The following KIAA1217 variants were observed in gnomAD, a reference collection of about 807,000 sequenced individuals.
KIAA1217 encodes sickle tail protein homolog.
KIAA1217 carries 88 observed loss-of-function variants against 163.9 expected under a neutral mutation model. That is an observed-to-expected ratio of 0.54 (90% confidence interval 0.45 to 0.64). The LOEUF (loss-of-function observed/expected upper bound fraction) is 0.64, where lower values mean the gene tolerates loss of function less well. KIAA1217 is among the 30% of genes least tolerant of loss of function. The pLI is 0.00. For synonymous variants in KIAA1217, 903 were observed against 923.1 expected, an observed-to-expected ratio of 0.98 and a Z score of 0.39; for missense variants, 2,372 against 2,475.0, an observed-to-expected ratio of 0.96 and a Z score of 0.88.
At chr10:23,972,007 C>A (rs1845335257) in intron 1 of KIAA1217, among the ~76,000 whole-genome samples, 1 of 152,204 alleles carries the variant, frequency 6.6e-6, no homozygotes, top group Non-Finnish European at 1.5e-5. Flanking sequence ...TCCCACATTT[C>A]TGAACTGAAC....
chr10:23,997,660 A>G (rs1186924790), intron 1 of KIAA1217, among the ~76,000 whole-genome samples: 1 of 152,198 alleles, frequency 6.6e-6, no homozygotes, highest in Non-Finnish European at 1.5e-5. Context: ...TTTACATCTA[A>G]TTCTAGATAG....
intron 3 of KIAA1217, 94 bp from the exon 4 acceptor site, chr10:24,432,901 G>C: frequency 1.1e-6 from 1 of 923,664 alleles, no homozygotes; most frequent in Non-Finnish European, 1.7e-6. Flanking sequence ...TGTCCTGAAC[G>C]TTCCTAAGTG....
intron 1 of KIAA1217, among the ~76,000 whole-genome samples, chr10:23,750,291 C>T (rs916470835): frequency 7.2e-5 from 11 of 152,192 alleles, no homozygotes; most frequent in African/African-American, 2.7e-4. Flanking sequence ...ATGGAATATG[C>T]AACCCTTCAA....
rs775994345 is a variant in KIAA1217, at chr10:24,438,404, A to G, written c.771A>G (p.Ser257=). 6 of 1,612,786 alleles carry G rather than the reference A, an allele frequency of 3.7e-6. No homozygotes were observed. The South Asian group carries it at 6.6e-5, about 18-fold the overall frequency. ...LNDVRNIQDR[S]LLKVYNKDPA... Reference sequence around the variant, plus strand: ...ATTCCAGGAACATTCAAGACAGATCACTCCTCAAAGTGTACAACAAGGATC... The same window carrying G: ...ATTCCAGGAACATTCAAGACAGATCGCTCCTCAAAGTGTACAACAAGGATC... The change falls in exon 5 of 21, where the codon TCA becomes TCG. Residue 257 remains serine, a synonymous_variant. Transcript: ENST00000376454.
rs768169304 is a variant in KIAA1217 at position 24,502,297 on chromosome 10, C to T, written c.2001+752C>T. Among the ~76,000 whole-genome samples, 81 of 122,452 alleles carry T rather than the reference C, an allele frequency of 6.6e-4. 1 individual carries two copies. Among genetic ancestry groups the T allele is most frequent in the Non-Finnish European group, 1.0e-3 (62 of 62,166 alleles). The allele number at this position is 122,452 out of a possible 152,430, so 80.3% of individuals were successfully genotyped here. ...GCAAGGATCTGTGATGTATTTAGAA[C>T]TATGAGTTTAGAATAGAAGATGAAT... On this transcript the variant is annotated intron_variant, in intron 9 of 20. Transcript: ENST00000376454.
At chr10:23,723,994 T>C (rs1838002171) in intron 1 of KIAA1217, among the ~76,000 whole-genome samples, 1 of 152,138 alleles carries the variant, frequency 6.6e-6, no homozygotes, top group African/African-American at 2.4e-5. Flanking sequence ...GGAGCAGGCA[T>C]CTTACATGAC....
At chr10:23,897,362 T>G (rs563639928) in intron 1 of KIAA1217, among the ~76,000 whole-genome samples, 1 of 152,230 alleles carries the variant, frequency 6.6e-6, no homozygotes, top group South Asian at 2.1e-4. Flanking sequence ...CAATGCCACC[T>G]CTTGGTTTGA....
chr10:23,818,895 C>T (rs960991536), intron 1 of KIAA1217, among the ~76,000 whole-genome samples: 1 of 152,132 alleles, frequency 6.6e-6, no homozygotes, highest in African/African-American at 2.4e-5. Context: ...TTTTGCAGCT[C>T]TTAGTCTCAA....
intron 1 of KIAA1217, among the ~76,000 whole-genome samples, chr10:23,716,011 A>C (rs1362033013): frequency 6.6e-6 from 1 of 152,200 alleles, no homozygotes; most frequent in Admixed American, 6.6e-5. Flanking sequence ...GGCACAAATG[A>C]TACAAATAGC....
At chr10:24,264,651 C>T (rs777624039) in intron 2 of KIAA1217, among the ~76,000 whole-genome samples, 3 of 151,994 alleles carry the variant, frequency 2.0e-5, no homozygotes, top group Non-Finnish European at 4.4e-5. Flanking sequence ...AAAAACAATG[C>T]AAGGGATTTG....
At chr10:23,780,054 C>T (rs1835186425) in intron 1 of KIAA1217, among the ~76,000 whole-genome samples, 1 of 152,140 alleles carries the variant, frequency 6.6e-6, no homozygotes, top group Non-Finnish European at 1.5e-5. Flanking sequence ...CTTAATGATG[C>T]ATTTCTCACA....
intron 1 of KIAA1217, among the ~76,000 whole-genome samples, chr10:23,923,752 T>G (rs980611220): frequency 6.6e-6 from 1 of 152,230 alleles, no homozygotes; most frequent in Non-Finnish European, 1.5e-5. Flanking sequence ...GAAACTGACT[T>G]CAGACGTCTG....
chr10:24,369,578 C>T (rs2051284159), intron 2 of KIAA1217, among the ~76,000 whole-genome samples: 1 of 152,114 alleles, frequency 6.6e-6, no homozygotes, highest in South Asian at 2.1e-4. Context: ...CCCACATCCT[C>T]TCCATAAAGC....
chr10:24,361,633 G>C (rs920683957), intron 2 of KIAA1217, among the ~76,000 whole-genome samples: 3 of 152,124 alleles, frequency 2.0e-5, no homozygotes, highest in Non-Finnish European at 2.9e-5. Context: ...ATCATGCAGG[G>C]CCTCCTTGTA....
intron 1 of KIAA1217, among the ~76,000 whole-genome samples, chr10:23,818,070 TACACAC>T (rs376425958): frequency 8.0e-6 from 1 of 124,244 alleles, no homozygotes; most frequent in Non-Finnish European, 1.6e-5. Context: ...CATATATATA[TACACAC>T]ACACATATAG....
chr10:24,113,288 C>G (rs1343909791), intron 2 of KIAA1217, among the ~76,000 whole-genome samples: 2 of 152,096 alleles, frequency 1.3e-5, no homozygotes, highest in African/African-American at 4.8e-5. Context: ...AGCATCTTCA[C>G]AATTTAAGGT....
At chr10:23,927,996 C>A (rs1039426501) in intron 1 of KIAA1217, among the ~76,000 whole-genome samples, 2 of 152,320 alleles carry the variant, frequency 1.3e-5, no homozygotes, top group Admixed American at 1.3e-4. Flanking sequence ...GTAACTCGTC[C>A]ACCCAGCAGA....
chr10:24,278,620 T>C (rs1304469228), intron 2 of KIAA1217, among the ~76,000 whole-genome samples: 1 of 152,188 alleles, frequency 6.6e-6, no homozygotes, highest in East Asian at 1.9e-4. Context: ...CTGGGCATGA[T>C]GTTAGCCACT....
chr10:24,300,304 A>G (rs746377458), intron 2 of KIAA1217, among the ~76,000 whole-genome samples: 1 of 152,150 alleles, frequency 6.6e-6, no homozygotes, highest in Non-Finnish European at 1.5e-5. Context: ...TTTTAAGTTA[A>G]ATGCTAGTTA....
Sources: allele counts gnomAD v4.1 joint callset (sites outside exome capture counted in the v4.1 genomes callset), GRCh38; gene constraint gnomAD v4.1.1; transcripts MANE v1.5; gene names NCBI Gene and HGNC (gene_info 2026-07-23, HGNC 2026-07-21).